The following PTPRN2 variants were observed in gnomAD, a reference collection of about 807,000 sequenced individuals.
PTPRN2 encodes protein tyrosine phosphatase receptor type N2, also known as receptor-type tyrosine-protein phosphatase N2.
A neutral mutation model predicts 118.8 loss-of-function variants in PTPRN2; 74 were observed. The ratio of observed to expected loss-of-function variants is 0.62; its 90% CI spans 0.52 to 0.76. PTPRN2 has a LOEUF of 0.76. Ranked by LOEUF, PTPRN2 falls within the 30% of genes least tolerant of loss-of-function variation. The pLI is 0.00. For synonymous variants in PTPRN2, 641 were observed against 608.0 expected (o/e 1.05, Z -0.80); for missense variants, 1,481 against 1,394.4 (o/e 1.06, Z -0.99).
At chr7:157,913,541 T>TA (rs1381488727) in intron 11 of PTPRN2, among the ~76,000 whole-genome samples, 3 of 152,220 alleles carry the variant, frequency 2.0e-5, no homozygotes, top group Non-Finnish European at 4.4e-5. Flanking sequence ...GTAGGGTCTT[T>TA]AAAAAATCAA....
intron 21 of PTPRN2, among the ~76,000 whole-genome samples, chr7:157,567,214 GAC>G (rs1799531220): frequency 6.6e-6 from 1 of 152,142 alleles, no homozygotes; most frequent in Non-Finnish European, 1.5e-5. Context: ...ACTTTTAAAT[GAC>G]AAAAAGTTAG....
At chr7:158,393,759 T>C (rs1467740400) in intron 2 of PTPRN2, among the ~76,000 whole-genome samples, 1 of 152,118 alleles carries the variant, frequency 6.6e-6, no homozygotes, top group Middle Eastern at 3.2e-3. Flanking sequence ...CATGACGTGA[T>C]TGCAACACAC....
chr7:158,171,155 T>TATATACACACATATATATACAC lies in PTPRN2; in HGVS notation c.550-3865_550-3864insGTGTATATATATGTGTGTATAT, dbSNP rs1563554756. 1.3e-3 allele frequency among the ~76,000 whole-genome samples: 26 copies of TATATACACACATATATATACAC among 20,098 alleles called. 2 individuals carry two copies. The East Asian group carries it at 0.014, about 11-fold the overall frequency. The allele number at this position is 20,098 out of a possible 152,430, so 13.2% of individuals were successfully genotyped here. The stretch of plus-strand genomic sequence containing the variant: ...ATATATACACACATATATATACACA[T>TATATACACACATATATATACAC]ATATATACACACATATATACACATA... On this transcript the variant is annotated intron_variant, in intron 5 of 22. Coordinates refer to ENST00000389418, the MANE Select transcript of PTPRN2 (RefSeq NM_002847.5).
intron 21 of PTPRN2, among the ~76,000 whole-genome samples, chr7:157,553,667 C>T (rs750314019): frequency 3.3e-5 from 5 of 152,238 alleles, no homozygotes; most frequent in East Asian, 3.9e-4. Context: ...CTCCGAGTCG[C>T]GCTGAGCCCG....
At chr7:157,793,761 C>T (rs1416550317) in intron 12 of PTPRN2, among the ~76,000 whole-genome samples, 2 of 152,176 alleles carry the variant, frequency 1.3e-5, no homozygotes, top group South Asian at 2.1e-4. Context: ...TGGCATAATT[C>T]GTGGCACCCC....
At chr7:157,863,895 A>G (rs1361855078) in intron 12 of PTPRN2, 1 of 152,230 alleles carries the variant, frequency 6.6e-6, no homozygotes, top group African/African-American at 2.4e-5. Context: ...TCGACCTCGG[A>G]CTTCCAGCCT....
At chr7:158,330,909 CCT>C (rs1449848048) in intron 2 of PTPRN2, among the ~76,000 whole-genome samples, 2 of 105,710 alleles carry the variant, frequency 1.9e-5, no homozygotes, top group African/African-American at 3.4e-5. Context: ...AGAGCTGACA[CCT>C]GCAGACGTCA....
chr7:158,248,310 G>A (rs1796389903), intron 3 of PTPRN2, among the ~76,000 whole-genome samples: 1 of 152,158 alleles, frequency 6.6e-6, no homozygotes, highest in Admixed American at 6.5e-5. Flanking sequence ...CAGCTATGCA[G>A]CAAGCACCTG....
chr7:158,120,526 C>A (rs529555301), intron 9 of PTPRN2, among the ~76,000 whole-genome samples: 7 of 152,296 alleles, frequency 4.6e-5, no homozygotes, highest in African/African-American at 1.7e-4. Flanking sequence ...CCTGCTGGAT[C>A]CCTGGCAAAG....
At chr7:157,659,476 G>C (rs1234568028) in intron 13 of PTPRN2, among the ~76,000 whole-genome samples, 2 of 131,122 alleles carry the variant, frequency 1.5e-5, no homozygotes, top group African/African-American at 5.6e-5. Flanking sequence ...GATGGGGGGG[G>C]CGGGGGGGAT....
chr7:158,137,352 GTT>G (rs1818918450), intron 7 of PTPRN2, among the ~76,000 whole-genome samples: 2 of 152,178 alleles, frequency 1.3e-5, no homozygotes, highest in Non-Finnish European at 2.9e-5. Flanking sequence ...GGCAGGCAAA[GTT>G]TGCAGTGAGC....
intron 5 of PTPRN2, among the ~76,000 whole-genome samples, chr7:158,190,973 C>G (rs1377161467): frequency 6.6e-6 from 1 of 152,272 alleles, no homozygotes; most frequent in African/African-American, 2.4e-5. Context: ...TGCTAAGACA[C>G]AGAAGTGCCT....
intron 11 of PTPRN2, among the ~76,000 whole-genome samples, chr7:158,054,990 T>C (rs980637001): frequency 1.3e-5 from 2 of 152,244 alleles, no homozygotes; most frequent in African/African-American, 4.8e-5. Context: ...GTCAGAGCTG[T>C]GGGCGGTAAG....
rs1487839273 is a variant in PTPRN2 at position 157,929,949 on chromosome 7, T to A, written c.1724-31212A>T. Among the ~76,000 whole-genome samples, 1 of 152,040 alleles carries A rather than the reference T, an allele frequency of 6.6e-6. No homozygotes were observed. The highest frequency in any genetic ancestry group is 1.5e-5 in the Non-Finnish European group (1 of 67,998). ...AGCGAATTCAGTCCACATCAGCGGG[T>A]CCAAGCCTGGACCTAGACACCCGTC... On this transcript the variant is annotated intron_variant, in intron 11 of 22. Transcript: ENST00000389418. This position sits in a 1 kb window ranked among gnomAD's most constrained non-coding sequence, Gnocchi z 4.4.
chr7:157,807,454 G>T (rs1321346702), intron 12 of PTPRN2, among the ~76,000 whole-genome samples: 1 of 152,214 alleles, frequency 6.6e-6, no homozygotes, highest in Non-Finnish European at 1.5e-5. Flanking sequence ...ACTCCACAGG[G>T]CCCAGATGTC....
At chr7:157,620,785 G>C (rs1803124090) in intron 15 of PTPRN2, among the ~76,000 whole-genome samples, 2 of 152,190 alleles carry the variant, frequency 1.3e-5, no homozygotes, top group Non-Finnish European at 2.9e-5. Flanking sequence ...TCCCAGAGGG[G>C]GCAAGTCTGC....
intron 1 of PTPRN2, among the ~76,000 whole-genome samples, chr7:158,564,116 A>G (rs1450873932): frequency 6.6e-6 from 1 of 152,228 alleles, no homozygotes; most frequent in Non-Finnish European, 1.5e-5. Context: ...TGTTAATCAC[A>G]GGTCTAGGGA....
rs1386620274 is a variant in PTPRN2, at chr7:157,539,627, G to A, written c.*1087C>T. The A allele has an allele frequency of 1.3e-5, 2 of 152,270 alleles. No individual in the cohort carries two copies. The highest frequency in any genetic ancestry group is 2.9e-5 in the Non-Finnish European group (2 of 68,068). 9.4% of individuals were successfully genotyped at this position (152,270 alleles called of 1,614,324 possible). ...GTGGTTCATTAAGTGATCCCGGGAA[G>A]AGGGGCAGGGCCGGTCGGCTGGTTT... On this transcript the variant is annotated 3_prime_UTR_variant, in exon 23 of 23. Coordinates refer to ENST00000389418, the MANE Select transcript of PTPRN2 (RefSeq NM_002847.5).
chr7:158,043,914 C>T (rs964470588), intron 11 of PTPRN2, among the ~76,000 whole-genome samples: 2 of 152,182 alleles, frequency 1.3e-5, no homozygotes, highest in East Asian at 1.9e-4. Flanking sequence ...TTGTCATTTG[C>T]TCAAAAAATG....
Sources: gnomAD v4.1 joint callset for allele counts (sites outside exome capture counted in the v4.1 genomes callset) on GRCh38, gnomAD v4.1.1 for gene constraint, Gnocchi (gnomAD v3.1) non-coding constraint, MANE v1.5 for transcripts, NCBI Gene and HGNC (gene_info 2026-07-23, HGNC 2026-07-21) for gene names.